Variants in DOCK7 observed in about 807,000 individuals in gnomAD.
DOCK7 encodes the protein dedicator of cytokinesis 7.
A neutral mutation model predicts 271.0 loss-of-function variants in DOCK7; 138 were observed. The observed-to-expected ratio is 0.51, with a 90% CI of 0.44 to 0.59. The LOEUF is 0.59. Ranked by LOEUF, DOCK7 falls within the 20% of genes least tolerant of loss-of-function variation. DOCK7 has a pLI of 0.00. For missense variants in DOCK7, 2,066 were observed against 2,592.4 expected (o/e 0.80, Z 4.41); for synonymous variants, 823 against 876.1 (o/e 0.94, Z 1.07).
intron 31 of DOCK7, among the ~76,000 whole-genome samples, chr1:62,524,957 T>TATATATATATATATATATA (rs1557666274): frequency 8.5e-5 from 7 of 82,636 alleles, no homozygotes; most frequent in African/African-American, 1.3e-4. Context: ...ATATATATAT[T>TATATATATATATATATATA]ACTATAAACT....
At chr1:62,677,910 C>T (rs1344226572) in intron 1 of DOCK7, among the ~76,000 whole-genome samples, 2 of 70,290 alleles carry the variant, frequency 2.8e-5, no homozygotes, top group African/African-American at 5.1e-5. Flanking sequence ...GTGGGAGGAT[C>T]GCTTGAGGCC....
chr1:62,512,117 TTTCA>T (rs1423476565), intron 33 of DOCK7, among the ~76,000 whole-genome samples: 2 of 152,222 alleles, frequency 1.3e-5, no homozygotes, highest in Non-Finnish European at 2.9e-5. Context: ...GACTGTGCCT[TTTCA>T]TTATTACAAA....
chr1:62,597,752 T>C, intron 14 of DOCK7: 2 of 1,613,602 alleles, frequency 1.2e-6, no homozygotes, highest in South Asian at 1.1e-5. Flanking sequence ...ACTTTGTCCA[T>C]AAGACGAAGG....
intron 22 of DOCK7, among the ~76,000 whole-genome samples, chr1:62,546,757 T>C (rs966368235): frequency 7.9e-5 from 12 of 152,056 alleles, no homozygotes; most frequent in Non-Finnish European, 1.2e-4. Context: ...TAAAATAAAA[T>C]ATCTGCCTTC....
intron 7 of DOCK7, among the ~76,000 whole-genome samples, chr1:62,640,089 T>C (rs752927775): frequency 2.0e-5 from 3 of 152,146 alleles, no homozygotes; most frequent in African/African-American, 7.2e-5. Flanking sequence ...AATGTACCAC[T>C]CTACATACTC....
chr1:62,513,916 T>G lies in DOCK7; in HGVS notation c.3937-18A>C. Reference sequence around the variant, plus strand: ...CTGCCACTCTGAAAATAAAGAGCAGTAGAATGAGACAGATTGATCAAAGAC... The same window carrying G: ...CTGCCACTCTGAAAATAAAGAGCAGGAGAATGAGACAGATTGATCAAAGAC... On this transcript the variant is annotated intron_variant, in intron 31 of 49. Transcript: ENST00000635253. The G allele has an allele frequency of 6.2e-7, 1 of 1,606,484 alleles. No homozygotes were observed.
chr1:62,586,802 A>T (rs776780652), intron 14 of DOCK7, among the ~76,000 whole-genome samples, 178 bp from the exon 15 acceptor site: 5 of 152,212 alleles, frequency 3.3e-5, no homozygotes, highest in Non-Finnish European at 7.4e-5. Context: ...ATTCAAATAC[A>T]CAGCAATAAA....
intron 24 of DOCK7, 98 bp from the exon 25 acceptor site, chr1:62,542,801 A>G (rs1645579454): frequency 8.9e-7 from 1 of 1,124,812 alleles, no homozygotes; most frequent in Non-Finnish European, 1.3e-6. Flanking sequence ...TAATGAGAAT[A>G]AGCAAAATAA....
chr1:62,522,568 A>C (rs935390971), intron 31 of DOCK7, among the ~76,000 whole-genome samples: 6 of 152,140 alleles, frequency 3.9e-5, no homozygotes, highest in Non-Finnish European at 5.9e-5. Flanking sequence ...CTTAAAAAAA[A>C]CCCAAAACAT....
intron 16 of DOCK7, among the ~76,000 whole-genome samples, chr1:62,579,597 G>T (rs1647049436): frequency 6.6e-6 from 1 of 150,868 alleles, no homozygotes; most frequent in South Asian, 2.1e-4. Context: ...AGCTACTTGG[G>T]AGGCCGAGAT....
In DOCK7 at chr1:62,636,336, T is replaced by G. The variant is rs41290148; in HGVS notation, c.885+201A>C. On this transcript the variant is annotated intron_variant, in intron 8 of 49. Coordinates refer to ENST00000635253, the MANE Select transcript of DOCK7 (RefSeq NM_001367561.1). ...CTTCTGCTATTTGCTTTTAACACTC[T>G]TTCAGTGAAACAATAACCTGTTTTC... Among the ~76,000 whole-genome samples the G allele has an allele frequency of 0.029, 4,421 of 152,320 alleles. 94 individuals carry two copies. The highest frequency in any genetic ancestry group is 0.044 in the Non-Finnish European group (3,010 of 68,012).
intron 1 of DOCK7, among the ~76,000 whole-genome samples, chr1:62,678,657 C>G (rs1205314906): frequency 6.6e-6 from 1 of 151,906 alleles, no homozygotes; most frequent in African/African-American, 2.4e-5. Flanking sequence ...TTGGTAGATT[C>G]TAAAATTTAC....
intron 2 of DOCK7, among the ~76,000 whole-genome samples, chr1:62,659,066 C>T (rs1658361424): frequency 6.6e-6 from 1 of 151,734 alleles, no homozygotes; most frequent in Non-Finnish European, 1.5e-5. Context: ...AAAAGAAATT[C>T]CTTAAACCAA....
chr1:62,637,183 A>G (rs76972547), intron 7 of DOCK7, among the ~76,000 whole-genome samples: 2,634 of 152,278 alleles, frequency 0.017, 76 homozygotes, highest in African/African-American at 0.06. Flanking sequence ...CATTTTGTGG[A>G]CAAATTTTCA....
chr1:62,614,923 A>G (rs1006532851), intron 14 of DOCK7, among the ~76,000 whole-genome samples: 3 of 151,838 alleles, frequency 2.0e-5, no homozygotes, highest in East Asian at 1.9e-4. Context: ...TATAACATTG[A>G]CTGGAAAAAA....
intron 48 of DOCK7, chr1:62,458,284 G>T (rs1301408207): frequency 2.6e-5 from 4 of 152,144 alleles, no homozygotes; most frequent in African/African-American, 9.7e-5. Context: ...AGGACATTTA[G>T]TTTTTCAGCT....
Position 62,474,045 on chromosome 1 carries a change from C to T in DOCK7, c.6149G>A (p.Ser2050Asn). 1.9e-6 allele frequency: 3 copies of T among 1,614,052 alleles called. No individual in the cohort carries two copies. Among genetic ancestry groups the T allele is most frequent in the Non-Finnish European group, 2.5e-6 (3 of 1,179,968 alleles). Residue 2050 changes from serine (S) to asparagine (N), a missense_variant, in exon 48 of 50, where the codon AGT (serine) becomes AAT (asparagine). By Grantham distance (46) the Ser-to-Asn change is conservative. Around this residue, in one of 2 missense-constraint regions of DOCK7, gnomAD observed 652 missense variants for 922.1 expected, o/e 0.71. Coordinates refer to ENST00000635253, the MANE Select transcript of DOCK7 (RefSeq NM_001367561.1). ...VAQVFLSEIPSDPKLFRHHNK... is the reference protein window; with the variant it reads ...VAQVFLSEIPNDPKLFRHHNK... The stretch of plus-strand genomic sequence containing the variant: ...ATGATGTCTGAAGAGCTTTGGGTCA[C>T]TAGGTATTTCAGACAGAAAAACCTG...
chr1:62,490,897 C>T (rs927443919), intron 41 of DOCK7, among the ~76,000 whole-genome samples: 11 of 152,092 alleles, frequency 7.2e-5, no homozygotes, highest in African/African-American at 2.4e-4. Flanking sequence ...AAAAGAGGAT[C>T]GACACCTAAT....
At chr1:62,590,588 T>C (rs1648293944) in intron 14 of DOCK7, among the ~76,000 whole-genome samples, 1 of 151,964 alleles carries the variant, frequency 6.6e-6, no homozygotes, top group Non-Finnish European at 1.5e-5. Flanking sequence ...GACAAGCAAA[T>C]AATGATAATA....
Sources: gnomAD v4.1 joint callset for allele counts (sites outside exome capture counted in the v4.1 genomes callset) on GRCh38, gnomAD v4.1.1 for gene constraint, gnomAD v4.1.1 regional missense constraint, MANE v1.5 for transcripts, NCBI Gene and HGNC (gene_info 2026-07-23, HGNC 2026-07-21) for gene names.